MYO1B: variants seen among roughly 807,000 people sequenced by gnomAD.
MYO1B encodes unconventional myosin-Ib.
Under a neutral mutation model 159.7 loss-of-function variants are expected in MYO1B, and 72 were observed. That is an observed-to-expected ratio of 0.45 (90% CI 0.37 to 0.55). The LOEUF is 0.55. Among genes scored for constraint, MYO1B ranks in the 20% least tolerant of loss-of-function variants. The probability of loss-of-function intolerance (pLI) is 0.00; values close to 1 mark genes in which losing one functional copy is unlikely to be tolerated. For missense variants in MYO1B, 1,062 were observed against 1,364.8 expected, an observed-to-expected ratio of 0.78 and a Z score of 3.50; for synonymous variants, 468 against 473.8, an observed-to-expected ratio of 0.99 and a Z score of 0.16.
intron 30 of MYO1B, 67 bp downstream of exon 30, chr2:191,416,309 A>G: frequency 6.4e-7 from 1 of 1,568,950 alleles, no homozygotes; most frequent in Non-Finnish European, 8.8e-7. Context: ...TCAGCTCTCG[A>G]TCTCATTCAT....
In MYO1B at chr2:191,387,248, G is replaced by A. The variant is rs751651155; in HGVS notation, c.1579G>A (p.Val527Ile). ...GGTGCTGTACCAGGTGGAAGGATTC[G>A]TTGACAAAAACAATGACCTTCTCTA... is the stretch of plus-strand genomic sequence containing the variant. ...GKVLYQVEGF[V>I]DKNNDLLYRD... The change falls in exon 17 of 31, where the codon GTT (valine) becomes ATT (isoleucine). Residue 527 changes from valine (V) to isoleucine (I), a missense_variant. This residue lies in a region of MYO1B where 609 missense variants were observed against 744.4 expected (regional missense o/e 0.82). Transcript: ENST00000392318. 2.9e-5 allele frequency: 47 copies of A among 1,613,910 alleles called. No homozygotes were observed. The highest frequency in any genetic ancestry group is 3.6e-5 in the Non-Finnish European group (42 of 1,179,944).
intron 4 of MYO1B, among the ~76,000 whole-genome samples, chr2:191,340,859 G>A (rs1278888739): frequency 6.6e-6 from 1 of 151,876 alleles, no homozygotes. Context: ...CCAAGTAGTT[G>A]GGACTACAGG....
chr2:191,271,488 A>G (rs910746103), intron 1 of MYO1B, among the ~76,000 whole-genome samples: 2 of 150,772 alleles, frequency 1.3e-5, no homozygotes, highest in Non-Finnish European at 2.9e-5. Flanking sequence ...AGCCTGGGCA[A>G]CATAGCAAGA....
intron 3 of MYO1B, among the ~76,000 whole-genome samples, chr2:191,311,377 C>T (rs976998215): frequency 9.9e-5 from 15 of 152,144 alleles, no homozygotes; most frequent in African/African-American, 3.4e-4. Context: ...AGGTTACCTG[C>T]GGAAGGTCTT....
chr2:191,396,900 T>C (rs1184719347), intron 21 of MYO1B, among the ~76,000 whole-genome samples: 6 of 152,024 alleles, frequency 3.9e-5, no homozygotes, highest in African/African-American at 1.2e-4. Flanking sequence ...CCCATCACGA[T>C]TGAAAGATCC....
intron 3 of MYO1B, among the ~76,000 whole-genome samples, chr2:191,324,198 C>A (rs991092735): frequency 6.6e-6 from 1 of 152,108 alleles, no homozygotes; most frequent in Non-Finnish European, 1.5e-5. Flanking sequence ...TTCATTCTTA[C>A]ATTCTCTGCC....
intron 1 of MYO1B, among the ~76,000 whole-genome samples, chr2:191,269,306 T>C (rs1687323491): frequency 6.6e-6 from 1 of 152,224 alleles, no homozygotes; most frequent in African/African-American, 2.4e-5. Flanking sequence ...TCAAGGTTCG[T>C]TGATGTAGCA....
At chr2:191,413,897 A>G in intron 27 of MYO1B, 151 bp from the exon 28 acceptor site, 1 of 720,334 alleles carries the variant, frequency 1.4e-6, no homozygotes, top group Non-Finnish European at 2.1e-6. Flanking sequence ...ACTTATATTT[A>G]GGACAGATGT....
chr2:191,353,305 G>T (rs1693040471), intron 7 of MYO1B, among the ~76,000 whole-genome samples: 1 of 152,112 alleles, frequency 6.6e-6, no homozygotes, highest in Non-Finnish European at 1.5e-5. Flanking sequence ...TGGGGATTTT[G>T]CATCTAGTGT....
chr2:191,339,327 A>G (rs192387784), intron 4 of MYO1B, among the ~76,000 whole-genome samples: 8 of 152,348 alleles, frequency 5.3e-5, no homozygotes, highest in African/African-American at 1.4e-4. Flanking sequence ...GAAATGAAAT[A>G]TAATAGTATA....
intron 20 of MYO1B, among the ~76,000 whole-genome samples, chr2:191,394,188 T>C (rs1363658040): frequency 1.3e-5 from 2 of 152,226 alleles, no homozygotes; most frequent in Admixed American, 1.3e-4. Context: ...TCTTAAAATA[T>C]GAGTCTGCCC....
intron 30 of MYO1B, among the ~76,000 whole-genome samples, chr2:191,420,888 A>C (rs1350801947): frequency 1.3e-5 from 2 of 152,174 alleles, no homozygotes; most frequent in Non-Finnish European, 2.9e-5. Context: ...GAAATAATAC[A>C]TTCCATGTTA....
chr2:191,270,226 A>G (rs1687378019), intron 1 of MYO1B, among the ~76,000 whole-genome samples: 1 of 152,236 alleles, frequency 6.6e-6, no homozygotes, highest in South Asian at 2.1e-4. Flanking sequence ...TGGTTGTAAA[A>G]AGGAGCTTTC....
intron 2 of MYO1B, among the ~76,000 whole-genome samples, chr2:191,289,440 A>G (rs1378387717): frequency 6.6e-6 from 1 of 152,226 alleles, no homozygotes; most frequent in Admixed American, 6.5e-5. Flanking sequence ...ATTTGTATCT[A>G]TCTCTTGGGG....
chr2:191,328,431 T>C (rs1042030990), intron 3 of MYO1B, among the ~76,000 whole-genome samples: 1 of 152,210 alleles, frequency 6.6e-6, no homozygotes, highest in South Asian at 2.1e-4. Flanking sequence ...GCAAAGGTGC[T>C]TTATCCCAGT....
At chr2:191,309,518 T>C (rs950058523) in intron 3 of MYO1B, among the ~76,000 whole-genome samples, 4 of 152,196 alleles carry the variant, frequency 2.6e-5, no homozygotes, top group African/African-American at 9.7e-5. Context: ...AGATTGTTTT[T>C]CTTTGCTGCT....
intron 7 of MYO1B, among the ~76,000 whole-genome samples, chr2:191,358,368 TATC>T (rs778104935): frequency 1.6e-4 from 25 of 152,254 alleles, no homozygotes; most frequent in Non-Finnish European, 3.2e-4. Flanking sequence ...ACTCACCTAG[TATC>T]ATGTTTCACA....
rs1289402607 is a variant in MYO1B at position 191,329,673 on chromosome 2, TTA to T, written c.252-257_252-256del. On this transcript the variant is annotated intron_variant, in intron 3 of 30. Coordinates refer to ENST00000392318, the MANE Select transcript of MYO1B (RefSeq NM_001130158.3). ...TATTTATTTATATAAATAGTAAATA[TTA>T]TATAAAAAATAAAGCATATCATTAG... is the stretch of plus-strand genomic sequence containing the variant. Among the ~76,000 whole-genome samples the T allele has an allele frequency of 5.4e-5, 8 of 148,438 alleles. No homozygotes were observed. The East Asian group carries it at 1.6e-3, about 29-fold the overall frequency.
Position 191,409,161 on chromosome 2 carries a change from AT to A in MYO1B, c.2753del (p.Phe918SerfsTer25). 1 of 1,609,984 alleles carries A rather than the reference AT, an allele frequency of 6.2e-7. No individual in the cohort carries two copies. The highest frequency in any genetic ancestry group is 8.5e-7 in the Non-Finnish European group (1 of 1,178,978). On this transcript the variant is annotated frameshift_variant, in exon 26 of 31. Transcript: ENST00000392318. LOFTEE classifies it high-confidence loss of function. ...TTCTACTCACAAGGAGCTAAAAAGGATTTTCCACTTGTGGAGGGTAAAAAAT... is the reference window on the plus strand; with the variant it reads ...TTCTACTCACAAGGAGCTAAAAAGGATTTCCACTTGTGGAGGGTAAAAAAT... ...LDSTHKELKR[I>X]FHLWRCKKYR...
Sources: allele counts gnomAD v4.1 joint callset (sites outside exome capture counted in the v4.1 genomes callset), GRCh38; gene constraint gnomAD v4.1.1; regional missense constraint gnomAD v4.1.1; transcripts MANE v1.5; gene names NCBI Gene and HGNC (gene_info 2026-07-23, HGNC 2026-07-21).